Variants in MSH4 observed in about 807,000 individuals in gnomAD.
MSH4 encodes mutS protein homolog 4.
A neutral mutation model predicts 113.7 loss-of-function variants in MSH4; 106 were observed. The ratio of observed to expected loss-of-function variants is 0.93; its 90% CI spans 0.80 to 1.10. The LOEUF is 1.10. Ranked by LOEUF, MSH4 falls within the 50% of genes least tolerant of loss-of-function variation. The probability of loss-of-function intolerance (pLI) is 0.00; values close to 1 mark genes in which losing one functional copy is unlikely to be tolerated. For missense variants in MSH4, 1,061 were observed against 1,093.7 expected (o/e 0.97, Z 0.42); for synonymous variants, 368 against 380.2 (o/e 0.97, Z 0.37).
At chr1:75,811,422 G>C (rs1241330327) in intron 4 of MSH4, among the ~76,000 whole-genome samples, 1 of 152,162 alleles carries the variant, frequency 6.6e-6, no homozygotes, top group African/African-American at 2.4e-5. Flanking sequence ...CAGACCCATA[G>C]AGAAAGCATA....
intron 3 of MSH4, among the ~76,000 whole-genome samples, chr1:75,809,694 G>A (rs1000338300): frequency 2.1e-5 from 3 of 144,762 alleles, no homozygotes; most frequent in African/African-American, 7.7e-5. Flanking sequence ...AGGTTGGAGT[G>A]CAGTGGCACA....
At chr1:75,852,543 GTTA>G (rs1241460971) in intron 8 of MSH4, among the ~76,000 whole-genome samples, 1 of 152,104 alleles carries the variant, frequency 6.6e-6, no homozygotes, top group Non-Finnish European at 1.5e-5. Flanking sequence ...GTCAAGACTT[GTTA>G]TTATCTTAAT....
intron 1 of MSH4, among the ~76,000 whole-genome samples, chr1:75,799,256 TCA>T (rs1649884637): frequency 6.6e-6 from 1 of 152,174 alleles, no homozygotes; most frequent in South Asian, 2.1e-4. Flanking sequence ...TCTTTGATCC[TCA>T]CAATAATTTT....
chr1:75,883,013 A>T (rs972706373), intron 14 of MSH4, among the ~76,000 whole-genome samples: 110 of 150,302 alleles, frequency 7.3e-4, no homozygotes, highest in African/African-American at 2.4e-3. Flanking sequence ...TTTTATTTTT[A>T]TTTTTTTTTG....
At chr1:75,848,382 C>A in intron 8 of MSH4, 106 bp downstream of exon 8, 1 of 857,102 alleles carries the variant, frequency 1.2e-6, no homozygotes, top group Non-Finnish European at 1.8e-6. Context: ...TTGGGAAAGT[C>A]CTTCATTATT....
Position 75,815,018 on chromosome 1 carries a change from C to T in MSH4, c.700-3C>T. On this transcript the variant is annotated splice_region_variant and splice_polypyrimidine_tract_variant and intron_variant, in intron 4 of 19. Coordinates refer to ENST00000263187, the MANE Select transcript of MSH4 (RefSeq NM_002440.4). ...TTATTTTGAAATTAAAACTTCTTTT[C>T]AGAATGTTAATTTCACTACTATCCA... is the stretch of plus-strand genomic sequence containing the variant. 6.5e-7 allele frequency: 1 copy of T among 1,536,850 alleles called. No homozygotes were observed. The highest frequency in any genetic ancestry group is 9.0e-7 in the Non-Finnish European group (1 of 1,116,494).
At chr1:75,869,527 A>G (rs1651665505) in intron 9 of MSH4, among the ~76,000 whole-genome samples, 1 of 152,096 alleles carries the variant, frequency 6.6e-6, no homozygotes, top group African/African-American at 2.4e-5. Flanking sequence ...ATCTAGGAGG[A>G]AAAAATGGTT....
chr1:75,867,569 A>T lies in MSH4; in HGVS notation c.1286A>T (p.Glu429Val). The T allele has an allele frequency of 6.3e-7, 1 of 1,577,988 alleles. No individual in the cohort carries two copies. Among genetic ancestry groups the T allele is most frequent in the Non-Finnish European group, 8.7e-7 (1 of 1,153,442 alleles). Reference sequence around the variant, plus strand: ...TTAATATACTTAAAACATACCTTGGAACTTGTGGATCCTTTAAAGGTAATT... The same window carrying T: ...TTAATATACTTAAAACATACCTTGGTACTTGTGGATCCTTTAAAGGTAATT... ...TNLIYLKHTL[E>V]LVDPLKIAMK... The change falls in exon 9 of 20, where the codon GAA becomes GTA. Residue 429 changes from glutamate to valine, a missense_variant. By Grantham distance (121) the Glu-to-Val change is moderately radical (BLOSUM62 -2). Coordinates refer to ENST00000263187, the MANE Select transcript of MSH4 (RefSeq NM_002440.4).
chr1:75,824,195 G>C (rs1650493738), intron 7 of MSH4, among the ~76,000 whole-genome samples: 1 of 152,082 alleles, frequency 6.6e-6, no homozygotes, highest in Non-Finnish European at 1.5e-5. Flanking sequence ...GTATCTCATT[G>C]TGGTTTTGAT....
intron 1 of MSH4, among the ~76,000 whole-genome samples, chr1:75,802,609 A>C (rs1274734500): frequency 1.3e-5 from 2 of 152,234 alleles, no homozygotes; most frequent in Non-Finnish European, 1.5e-5. Context: ...TACCTAAATA[A>C]GGAACTGAAG....
intron 19 of MSH4, among the ~76,000 whole-genome samples, chr1:75,905,790 T>C (rs1386815513): frequency 1.3e-5 from 2 of 152,134 alleles, no homozygotes; most frequent in South Asian, 2.1e-4. Context: ...ACCCCTTTAT[T>C]ATTATAGAAT....
chr1:75,900,949 A>G (rs555027093), intron 19 of MSH4, among the ~76,000 whole-genome samples: 1 of 152,150 alleles, frequency 6.6e-6, no homozygotes, highest in Non-Finnish European at 1.5e-5. Context: ...AATATTCGAA[A>G]CAAGCTATTT....
intron 15 of MSH4, among the ~76,000 whole-genome samples, chr1:75,886,773 GTTA>G (rs1238664556): frequency 2.2e-5 from 3 of 134,816 alleles, no homozygotes; most frequent in Non-Finnish European, 3.1e-5. Flanking sequence ...TATGTATATA[GTTA>G]TTATACCTTA....
chr1:75,834,533 G>T (rs1177431017), intron 7 of MSH4, among the ~76,000 whole-genome samples: 1 of 152,154 alleles, frequency 6.6e-6, no homozygotes, highest in African/African-American at 2.4e-5. Flanking sequence ...ACTAACCCAG[G>T]TGTCCAACAA....
At chr1:75,830,683 C>G (rs1198386252) in intron 7 of MSH4, among the ~76,000 whole-genome samples, 1 of 152,138 alleles carries the variant, frequency 6.6e-6, no homozygotes, top group African/African-American at 2.4e-5. Flanking sequence ...TCATATCCAG[C>G]CAAACTAAGC....
intron 19 of MSH4, among the ~76,000 whole-genome samples, chr1:75,909,648 A>T (rs879273403): frequency 4.5e-4 from 43 of 95,394 alleles, no homozygotes; most frequent in Middle Eastern, 5.5e-3. Context: ...TTTGCCTCCC[A>T]CCCCCTCCCC....
At chr1:75,908,335 G>T (rs188842895) in intron 19 of MSH4, among the ~76,000 whole-genome samples, 2 of 151,968 alleles carry the variant, frequency 1.3e-5, no homozygotes, top group Admixed American at 1.3e-4. Context: ...TAGTAGAAAT[G>T]GAGTTTCACT....
intron 14 of MSH4, among the ~76,000 whole-genome samples, chr1:75,882,431 C>G (rs1005303128): frequency 6.6e-6 from 1 of 151,966 alleles, no homozygotes; most frequent in Admixed American, 6.6e-5. Context: ...TTCCTCCTCC[C>G]CCCACTTCAG....
chr1:75,840,112 G>A (rs1381835010), intron 7 of MSH4, among the ~76,000 whole-genome samples: 3 of 152,070 alleles, frequency 2.0e-5, no homozygotes, highest in Non-Finnish European at 2.9e-5. Flanking sequence ...TCAATGTGGC[G>A]ATTCCTCAGG....
Sources: gnomAD v4.1 joint callset for allele counts (sites outside exome capture counted in the v4.1 genomes callset) on GRCh38, gnomAD v4.1.1 for gene constraint, MANE v1.5 for transcripts, NCBI Gene and HGNC (gene_info 2026-07-23, HGNC 2026-07-21) for gene names.